The following VRK2 variants were observed in gnomAD, a reference collection of about 807,000 sequenced individuals.
VRK2 encodes VRK serine/threonine kinase 2, also known as serine/threonine-protein kinase VRK2.
Under a neutral mutation model 57.6 loss-of-function variants are expected in VRK2, and 60 were observed. The observed-to-expected ratio is 1.04, with a 90% CI of 0.85 to 1.29. VRK2 has a LOEUF of 1.29. Among genes scored for constraint, VRK2 ranks in the 50% most tolerant of loss-of-function variants. The pLI, the probability that VRK2 is intolerant of heterozygous loss-of-function variation, is 0.00. For synonymous variants in VRK2, 231 were observed against 199.2 expected, an observed-to-expected ratio of 1.16 and a Z score of -1.35; for missense variants, 705 against 588.1, an observed-to-expected ratio of 1.20 and a Z score of -2.06.
chr2:58,154,743 C>G (rs936844431), intron 12 of VRK2: 7 of 716,690 alleles, frequency 9.8e-6, no homozygotes, highest in Non-Finnish European at 1.8e-5. Flanking sequence ...ATTTTCTTCC[C>G]TTTTTTCCAG....
intron 7 of VRK2, among the ~76,000 whole-genome samples, chr2:58,106,093 C>T (rs887652459): frequency 1.3e-5 from 2 of 151,858 alleles, no homozygotes; most frequent in Non-Finnish European, 2.9e-5. Context: ...TTCCCTCTTC[C>T]ATTGCTTTTT....
chr2:58,091,288 G>C (rs1672339545), intron 7 of VRK2, among the ~76,000 whole-genome samples: 1 of 152,160 alleles, frequency 6.6e-6, no homozygotes, highest in Non-Finnish European at 1.5e-5. Context: ...GTTGATAGCG[G>C]AGAGACTTTG....
intron 1 of VRK2, among the ~76,000 whole-genome samples, chr2:58,013,963 C>T (rs1479720352): frequency 6.7e-6 from 1 of 149,506 alleles, no homozygotes; most frequent in African/African-American, 2.5e-5. Flanking sequence ...TGTTAATTTA[C>T]TCAAATTTGC....
chr2:58,021,737 C>G (rs1673762538), intron 1 of VRK2, among the ~76,000 whole-genome samples: 1 of 152,110 alleles, frequency 6.6e-6, no homozygotes, highest in South Asian at 2.1e-4. Context: ...AAGGACTCAG[C>G]CAGTAGCATC....
At chr2:58,082,942 A>G (rs1007524502) in intron 2 of VRK2, among the ~76,000 whole-genome samples, 1 of 151,824 alleles carries the variant, frequency 6.6e-6, no homozygotes, top group Non-Finnish European at 1.5e-5. Flanking sequence ...AAAATTTGTG[A>G]CATATTTATA....
At chr2:58,022,757 C>G (rs945157283) in intron 1 of VRK2, among the ~76,000 whole-genome samples, 2 of 152,110 alleles carry the variant, frequency 1.3e-5, no homozygotes, top group African/African-American at 4.8e-5. Context: ...TGCCTGTAGT[C>G]CCAGCTACTC....
intron 12 of VRK2, among the ~76,000 whole-genome samples, chr2:58,156,608 GTTTT>G (rs1375947139): frequency 6.7e-6 from 1 of 149,382 alleles, no homozygotes; most frequent in Non-Finnish European, 1.5e-5. Context: ...GTTTTGTTTT[GTTTT>G]GTTTTTGCCT....
chr2:57,939,161 T>C (rs1370271351), intron 1 of VRK2, among the ~76,000 whole-genome samples: 1 of 152,218 alleles, frequency 6.6e-6, no homozygotes, highest in African/African-American at 2.4e-5. Flanking sequence ...CTTAGTTTCA[T>C]TGAATCATAA....
intron 2 of VRK2, among the ~76,000 whole-genome samples, chr2:58,077,833 A>T (rs553749124): frequency 6.6e-6 from 1 of 152,068 alleles, no homozygotes; most frequent in Non-Finnish European, 1.5e-5. Flanking sequence ...TTCCTTCTTC[A>T]TGCATGGAAA....
At chr2:57,964,188 A>T (rs1370277363) in intron 1 of VRK2, among the ~76,000 whole-genome samples, 1 of 152,216 alleles carries the variant, frequency 6.6e-6, no homozygotes, top group African/African-American at 2.4e-5. Context: ...CTGGAAGCGT[A>T]ACTGATAACA....
At chr2:58,117,416 G>A (rs1455142947) in intron 7 of VRK2, among the ~76,000 whole-genome samples, 1 of 152,146 alleles carries the variant, frequency 6.6e-6, no homozygotes, top group East Asian at 1.9e-4. Context: ...GGGTGGAGGA[G>A]CAGAGGCTGA....
At chr2:58,071,362 G>A (rs940949203) in intron 2 of VRK2, among the ~76,000 whole-genome samples, 2 of 151,944 alleles carry the variant, frequency 1.3e-5, no homozygotes, top group African/African-American at 4.8e-5. Context: ...TATTATATCT[G>A]TAAAAACTCA....
Position 58,088,200 on chromosome 2 carries a change from C to T in VRK2, c.345-141C>T, listed in dbSNP as rs1014139259. ...TGCAAAAGAATAGCAGAATTATGAA[C>T]GTGCATTCATTCTCTAATGGTTTAG... On this transcript the variant is annotated intron_variant, in intron 5 of 12. Transcript: ENST00000340157. 1.3e-5 allele frequency: 8 copies of T among 634,512 alleles called. No individual in the cohort carries two copies. The African/African-American group carries it at 1.3e-4, about 10-fold the overall frequency. The allele number at this position is 634,512 out of a possible 1,614,324, so 39.3% of individuals were successfully genotyped here.
chr2:58,145,236 A>G (rs1235017911), intron 11 of VRK2, among the ~76,000 whole-genome samples: 2 of 152,010 alleles, frequency 1.3e-5, no homozygotes, highest in East Asian at 3.9e-4. Flanking sequence ...TCCCCCAGAT[A>G]TCATCATGGT....
At chr2:58,110,017 C>T (rs1464333740) in intron 7 of VRK2, among the ~76,000 whole-genome samples, 3 of 152,144 alleles carry the variant, frequency 2.0e-5, no homozygotes, top group African/African-American at 7.2e-5. Flanking sequence ...GAAGTACAGG[C>T]TTAACTAAGT....
chr2:58,000,647 T>G (rs999104069), intron 1 of VRK2, among the ~76,000 whole-genome samples: 9 of 152,256 alleles, frequency 5.9e-5, no homozygotes, highest in Admixed American at 5.9e-4. Context: ...TCCTGGTCAC[T>G]GCTTTTTCTA....
At chr2:58,142,323 AG>A (rs1382728942) in intron 11 of VRK2, among the ~76,000 whole-genome samples, 4 of 148,768 alleles carry the variant, frequency 2.7e-5, no homozygotes, top group South Asian at 2.1e-4. Flanking sequence ...CAAAAGAAAA[AG>A]TTTTTTTTTT....
At chr2:58,140,809 A>T (rs752188790) in intron 11 of VRK2, among the ~76,000 whole-genome samples, 2 of 152,026 alleles carry the variant, frequency 1.3e-5, no homozygotes, top group African/African-American at 4.8e-5. Context: ...ACAACCTTCA[A>T]TTAGTAGGAA....
chr2:57,936,296 T>A (rs1332208033), intron 1 of VRK2, among the ~76,000 whole-genome samples: 1 of 152,210 alleles, frequency 6.6e-6, no homozygotes, highest in Non-Finnish European at 1.5e-5. Flanking sequence ...TTTGTCAACA[T>A]AATTTCTCTT....
Sources: allele counts gnomAD v4.1 joint callset (sites outside exome capture counted in the v4.1 genomes callset), GRCh38; gene constraint gnomAD v4.1.1; transcripts MANE v1.5; gene names NCBI Gene and HGNC (gene_info 2026-07-23, HGNC 2026-07-21).